UNC79: variants seen among roughly 807,000 people sequenced by gnomAD.
UNC79 encodes unc-79 subunit of NALCN channel complex, also known as protein unc-79 homolog.
UNC79 carries 37 observed loss-of-function variants against 283.1 expected under a neutral mutation model. The observed-to-expected ratio is 0.13, with a 90% CI of 0.10 to 0.17. The LOEUF (loss-of-function observed/expected upper bound fraction) is 0.17, where lower values mean the gene tolerates loss of function less well. UNC79 is among the 10% of genes least tolerant of loss of function. The pLI is 1.00. For synonymous variants in UNC79, 1,107 were observed against 1,200.2 expected, an observed-to-expected ratio of 0.92 and a Z score of 1.61; for missense variants, 2,272 against 3,211.1, an observed-to-expected ratio of 0.71 and a Z score of 7.07.
intron 40 of UNC79, among the ~76,000 whole-genome samples, chr14:93,670,874 G>A (rs1032044294): frequency 1.3e-5 from 2 of 152,146 alleles, no homozygotes; most frequent in African/African-American, 4.8e-5. Flanking sequence ...AGAGTCTAAG[G>A]ATTTTAGGAG....
chr14:93,638,341 G>T (rs1418425425), intron 32 of UNC79, among the ~76,000 whole-genome samples: 2 of 152,156 alleles, frequency 1.3e-5, no homozygotes, highest in Non-Finnish European at 2.9e-5. Flanking sequence ...CATCTATGGG[G>T]CTAGGAAAAG....
exon 30 of UNC79, chr14:93,622,433 G>C: frequency 6.2e-7 from 1 of 1,614,162 alleles, no homozygotes; most frequent in Non-Finnish European, 8.5e-7. Context: ...GGAGCTGCCA[G>C]AGTTCTCCTG....
intron 1 of UNC79, among the ~76,000 whole-genome samples, chr14:93,389,082 TATG>T (rs1349025816): frequency 1.3e-5 from 2 of 152,140 alleles, no homozygotes; most frequent in Non-Finnish European, 2.9e-5. Context: ...TGTTTTGAGT[TATG>T]AGATTATTTC....
At chr14:93,448,815 A>C (rs2056545444) in intron 1 of UNC79, among the ~76,000 whole-genome samples, 1 of 152,206 alleles carries the variant, frequency 6.6e-6, no homozygotes, top group Non-Finnish European at 1.5e-5. Flanking sequence ...AAGATGTCAG[A>C]GTTTGGGGAT....
intron 47 of UNC79, among the ~76,000 whole-genome samples, chr14:93,702,706 TC>T (rs2075618758): frequency 1.3e-5 from 2 of 152,222 alleles, no homozygotes; most frequent in South Asian, 4.1e-4. Context: ...TACATCAGTG[TC>T]CCCCAGTTTG....
At chr14:93,651,110 G>T (rs544396797) in intron 35 of UNC79, among the ~76,000 whole-genome samples, 1 of 152,132 alleles carries the variant, frequency 6.6e-6, no homozygotes, top group East Asian at 1.9e-4. Flanking sequence ...TCTATTTCTG[G>T]GCTCTCTATT....
At chr14:93,497,780 G>T (rs2059083128) in intron 7 of UNC79, among the ~76,000 whole-genome samples, 1 of 152,146 alleles carries the variant, frequency 6.6e-6, no homozygotes, top group Admixed American at 6.5e-5. Flanking sequence ...AAGGTCAGGA[G>T]ATGTAGACCA....
chr14:93,606,570 C>T (rs1380456797), intron 26 of UNC79, among the ~76,000 whole-genome samples: 6 of 152,186 alleles, frequency 3.9e-5, no homozygotes, highest in Admixed American at 6.6e-5. Context: ...TGCTACTTAA[C>T]GAACATACTT....
intron 20 of UNC79, among the ~76,000 whole-genome samples, chr14:93,584,282 A>G (rs1296198560): frequency 6.6e-6 from 1 of 152,202 alleles, no homozygotes; most frequent in Non-Finnish European, 1.5e-5. Context: ...TTTATACTTC[A>G]TATTTCACAT....
At chr14:93,580,108 T>C (rs548543353) in intron 18 of UNC79, 41 bp from the exon 19 acceptor site, 1 of 1,500,868 alleles carries the variant, frequency 6.7e-7, no homozygotes, top group Non-Finnish European at 9.0e-7. Context: ...TCTTTTTTTT[T>C]TGTGTGTGTG....
intron 1 of UNC79, among the ~76,000 whole-genome samples, chr14:93,368,076 C>G (rs1390104163): frequency 6.6e-6 from 1 of 152,186 alleles, no homozygotes; most frequent in East Asian, 1.9e-4. Context: ...TGCTATATGA[C>G]TTATCCTGGG....
At chr14:93,479,807 A>AT (rs1223506357) in intron 4 of UNC79, among the ~76,000 whole-genome samples, 1 of 151,970 alleles carries the variant, frequency 6.6e-6, no homozygotes, top group Non-Finnish European at 1.5e-5. Context: ...AATTAAAAAA[A>AT]TTTTTTTGTA....
At position 93,653,921 on chromosome 14, in the gene UNC79, C is replaced by T. The variant is rs960672833; in HGVS notation, c.6197-19C>T. The T allele has an allele frequency of 6.2e-7, 1 of 1,614,142 alleles. No homozygotes were observed. Among genetic ancestry groups the T allele is most frequent in the African/African-American group, 1.3e-5 (1 of 75,052 alleles). ...CATCCCAGACACCCAAACACTAAAT[C>T]CGATCGTTGACTTTCCAGATGGGAC... On this transcript the variant is annotated intron_variant, in intron 36 of 48. Coordinates refer to ENST00000555664, the Ensembl canonical transcript of UNC79.
In UNC79 at chr14:93,333,432, A is replaced by G. The variant is rs2053500205; in HGVS notation, c.-442A>G. On this transcript the variant is annotated 5_prime_UTR_variant, in exon 1 of 50. Coordinates refer to the UNC79 transcript ENST00000256339. Reference sequence around the variant, plus strand: ...TCGGGTGGTCGCATGCAATGAGTGCATCTTTCTCGAGAACAACTCTTCCGC... The same window carrying G: ...TCGGGTGGTCGCATGCAATGAGTGCGTCTTTCTCGAGAACAACTCTTCCGC... 5 of 398,494 alleles carry G rather than the reference A, an allele frequency of 1.3e-5. No homozygotes were observed. The South Asian group carries it at 3.8e-4, about 30-fold the overall frequency. 24.7% of individuals were successfully genotyped at this position (398,494 alleles called of 1,614,324 possible).
intron 1 of UNC79, among the ~76,000 whole-genome samples, chr14:93,414,425 T>C (rs2055406692): frequency 6.6e-6 from 1 of 152,194 alleles, no homozygotes; most frequent in African/African-American, 2.4e-5. Flanking sequence ...TTTTGGTTAC[T>C]GTAGCCTTGT....
intron 1 of UNC79, among the ~76,000 whole-genome samples, chr14:93,412,710 C>T (rs138940354): frequency 6.6e-6 from 1 of 151,918 alleles, no homozygotes; most frequent in Non-Finnish European, 1.5e-5. Context: ...TCAATGTTAC[C>T]TTACAGGCCA....
rs1266619250 is a variant in UNC79 at position 93,481,302 on chromosome 14, GAA to G, written c.619+3576_619+3577del. On this transcript the variant is annotated intron_variant, in intron 4 of 48. Transcript: ENST00000555664. The stretch of plus-strand genomic sequence containing the variant: ...TATTAAAGGAGTTACTAAGAATTGA[GAA>G]AGTCATTTGCATGTCACCATGGAAA... 5.3e-5 allele frequency among the ~76,000 whole-genome samples: 8 copies of G among 152,232 alleles called. No individual in the cohort carries two copies. The East Asian group carries it at 1.5e-3, about 29-fold the overall frequency.
At chr14:93,481,456 A>G (rs946794280) in intron 4 of UNC79, among the ~76,000 whole-genome samples, 9 of 152,146 alleles carry the variant, frequency 5.9e-5, no homozygotes, top group East Asian at 1.9e-4. Flanking sequence ...GATGCAGGCT[A>G]TGTTATTGTA....
intron 22 of UNC79, among the ~76,000 whole-genome samples, chr14:93,588,781 G>A (rs941666762): frequency 2.8e-5 from 4 of 144,696 alleles, no homozygotes; most frequent in Non-Finnish European, 3.0e-5. Context: ...GAGAAAATCC[G>A]AACATATTTA....
Sources: gnomAD v4.1 joint callset for allele counts (sites outside exome capture counted in the v4.1 genomes callset) on GRCh38, gnomAD v4.1.1 for gene constraint, MANE v1.5 for transcripts, NCBI Gene and HGNC (gene_info 2026-07-23, HGNC 2026-07-21) for gene names.